The following LSAMP variants were observed in gnomAD, a reference collection of about 807,000 sequenced individuals.
The protein encoded by LSAMP is limbic system-associated membrane protein.
A neutral mutation model predicts 38.6 loss-of-function variants in LSAMP; 7 were observed. The observed-to-expected ratio is 0.18, with a 90% confidence interval of 0.10 to 0.34. LSAMP has a LOEUF of 0.34. Among genes scored for constraint, LSAMP ranks in the 10% least tolerant of loss-of-function variants. The pLI, the probability that LSAMP is intolerant of heterozygous loss-of-function variation, is 1.00. For synonymous variants in LSAMP, 154 were observed against 166.8 expected (o/e 0.92, Z 0.59); for missense variants, 313 against 420.0 (o/e 0.75, Z 2.23).
At chr3:116,299,781 A>C in intron 1 of LSAMP, among the ~76,000 whole-genome samples, 1 of 152,196 alleles carries the variant, frequency 6.6e-6, no homozygotes, top group East Asian at 1.9e-4. Flanking sequence ...CAAATCGTCT[A>C]TATGGAAGTC....
chr3:115,989,072 C>T (rs868394069), intron 3 of LSAMP, among the ~76,000 whole-genome samples: 8 of 151,946 alleles, frequency 5.3e-5, no homozygotes, highest in Middle Eastern at 6.8e-3. Flanking sequence ...CTAAATGAGT[C>T]GTTCACAGGA....
intron 1 of LSAMP, among the ~76,000 whole-genome samples, chr3:116,441,047 T>C (rs1316150142): frequency 1.3e-5 from 2 of 152,174 alleles, no homozygotes; most frequent in African/African-American, 2.4e-5. Context: ...TTTCTTCTTT[T>C]CCCCCCTTGG....
At chr3:115,820,222 C>A (rs1410250699) in intron 6 of LSAMP, among the ~76,000 whole-genome samples, 1 of 152,106 alleles carries the variant, frequency 6.6e-6, no homozygotes, top group African/African-American at 2.4e-5. Context: ...TCCAGGGCAC[C>A]GTGCTTAGAA....
At chr3:116,130,282 T>C (rs1195789523) in intron 1 of LSAMP, among the ~76,000 whole-genome samples, 1 of 152,218 alleles carries the variant, frequency 6.6e-6, no homozygotes, top group Non-Finnish European at 1.5e-5. Flanking sequence ...GTCATTTGGC[T>C]AATTAAAGAG....
At chr3:116,135,380 C>A (rs1415021002) in intron 1 of LSAMP, among the ~76,000 whole-genome samples, 3 of 152,122 alleles carry the variant, frequency 2.0e-5, no homozygotes, top group Non-Finnish European at 4.4e-5. Context: ...GATGTAGATA[C>A]CTTGTTATTC....
chr3:116,353,229 G>C (rs1380443238), intron 1 of LSAMP, among the ~76,000 whole-genome samples: 1 of 151,924 alleles, frequency 6.6e-6, no homozygotes, highest in Non-Finnish European at 1.5e-5. Flanking sequence ...ATATGACGAA[G>C]TTATAAAAAG....
At chr3:115,906,862 T>C (rs886927020) in intron 3 of LSAMP, among the ~76,000 whole-genome samples, 1 of 152,162 alleles carries the variant, frequency 6.6e-6, no homozygotes, top group South Asian at 2.1e-4. Flanking sequence ...CAGCTAATTA[T>C]ATCTTTGCTA....
Position 116,224,394 on chromosome 3 carries a change from T to G in LSAMP, c.156-137838A>C, listed in dbSNP as rs540512264. ...CTTCTAAGGACTTCTTTTTAAAAAA[T>G]GCATAGACTCATCCTTGGTTGCTGC... On this transcript the variant is annotated intron_variant, in intron 1 of 6. Coordinates refer to ENST00000490035, the MANE Select transcript of LSAMP (RefSeq NM_002338.5). Among the ~76,000 whole-genome samples the G allele has an allele frequency of 3.9e-5, 6 of 152,336 alleles. No individual in the cohort carries two copies. The South Asian group carries it at 1.2e-3, about 32-fold the overall frequency.
intron 1 of LSAMP, among the ~76,000 whole-genome samples, chr3:116,242,287 C>G (rs1183370469): frequency 1.3e-5 from 2 of 152,154 alleles, no homozygotes; most frequent in Admixed American, 1.3e-4. Flanking sequence ...TAATAAGCAG[C>G]CTCTTTTAAT....
At chr3:116,071,588 T>A (rs929715523) in intron 2 of LSAMP, among the ~76,000 whole-genome samples, 9 of 152,308 alleles carry the variant, frequency 5.9e-5, no homozygotes, top group African/African-American at 2.2e-4. Context: ...CCACTTCATT[T>A]TTTTCTTCAA....
At chr3:115,931,298 G>A (rs1416706557) in intron 3 of LSAMP, among the ~76,000 whole-genome samples, 1 of 152,206 alleles carries the variant, frequency 6.6e-6, no homozygotes, top group Non-Finnish European at 1.5e-5. Context: ...ATAGAATGCT[G>A]TAAATCTCAG....
At chr3:116,351,338 A>G (rs928133270) in intron 1 of LSAMP, among the ~76,000 whole-genome samples, 3 of 152,022 alleles carry the variant, frequency 2.0e-5, no homozygotes, top group African/African-American at 7.2e-5. Flanking sequence ...CAAAAGCTAG[A>G]CATGTGAAGG....
chr3:116,246,912 C>T (rs367916526), intron 1 of LSAMP, among the ~76,000 whole-genome samples: 15 of 152,054 alleles, frequency 9.9e-5, no homozygotes, highest in South Asian at 2.1e-4. Flanking sequence ...GGGGTGGGGT[C>T]GAGACAATGT....
At chr3:115,854,377 G>A (rs1358024810) in intron 3 of LSAMP, among the ~76,000 whole-genome samples, 1 of 147,626 alleles carries the variant, frequency 6.8e-6, no homozygotes, top group Admixed American at 6.8e-5. Flanking sequence ...CCGCCTCCCA[G>A]GTTCACGCCA....
chr3:116,038,505 A>G (rs1941097923), intron 2 of LSAMP, among the ~76,000 whole-genome samples: 1 of 152,196 alleles, frequency 6.6e-6, no homozygotes, highest in Non-Finnish European at 1.5e-5. Flanking sequence ...ATCTCTGTAG[A>G]GAAAACTAAA....
intron 4 of LSAMP, among the ~76,000 whole-genome samples, chr3:115,850,449 G>T: frequency 6.6e-6 from 1 of 152,208 alleles, no homozygotes; most frequent in East Asian, 1.9e-4. Flanking sequence ...TGGCATGGTT[G>T]TGTGTACATA....
At chr3:115,904,632 CAG>C (rs1197463380) in intron 3 of LSAMP, among the ~76,000 whole-genome samples, 1 of 152,124 alleles carries the variant, frequency 6.6e-6, no homozygotes, top group Non-Finnish European at 1.5e-5. Flanking sequence ...CCTTCACTCT[CAG>C]AGTGATCTTT....
intron 2 of LSAMP, among the ~76,000 whole-genome samples, chr3:116,060,792 G>C (rs1301790573): frequency 6.6e-6 from 1 of 151,176 alleles, no homozygotes; most frequent in Non-Finnish European, 1.5e-5. Flanking sequence ...ACAACAACAA[G>C]AACAAAAACC....
At chr3:115,972,849 G>T (rs552621914) in intron 3 of LSAMP, among the ~76,000 whole-genome samples, 52 of 149,502 alleles carry the variant, frequency 3.5e-4, no homozygotes, top group South Asian at 6.3e-4. Flanking sequence ...CACATTTAAT[G>T]TATTAGCCCA....
Sources: gnomAD v4.1 joint callset for allele counts (sites outside exome capture counted in the v4.1 genomes callset) on GRCh38, gnomAD v4.1.1 for gene constraint, MANE v1.5 for transcripts, NCBI Gene and HGNC (gene_info 2026-07-23, HGNC 2026-07-21) for gene names.